VAPB: variants seen among roughly 807,000 people sequenced by gnomAD.
VAPB encodes VAMP associated protein B and C.
Under a neutral mutation model 25.6 loss-of-function variants are expected in VAPB, and 7 were observed. That is an observed-to-expected ratio of 0.27 (90% CI 0.16 to 0.51). The LOEUF (loss-of-function observed/expected upper bound fraction) is 0.51. VAPB is among the 20% of genes least tolerant of loss of function. The pLI, the probability that VAPB is intolerant of heterozygous loss-of-function variation, is 0.97. For synonymous variants in VAPB, 112 were observed against 109.2 expected (o/e 1.03, Z -0.16); for missense variants, 266 against 301.3 (o/e 0.88, Z 0.87).
rs542488313 is a variant in VAPB at position 58,421,768 on chromosome 20, C to T, written c.211+3405C>T. 1.1e-4 allele frequency among the ~76,000 whole-genome samples: 16 copies of T among 152,164 alleles called. No individual in the cohort carries two copies. The South Asian group carries it at 3.3e-3, about 32-fold the overall frequency. ...GAGGGTTGATGGTAATGATGTCTGC[C>T]CATGGAGCTGGCACCTGTGCTGGCC... On this transcript the variant is annotated intron_variant, in intron 2 of 5. Coordinates refer to ENST00000475243, the MANE Select transcript of VAPB (RefSeq NM_004738.5).
In VAPB at chr20:58,447,603, G is replaced by GAGAGCTC. The variant is rs1400014921; in HGVS notation, c.*3375_*3381dup. ...TGAGTCAGATAGAACTGAATGTAGTGAGAGCTCAGAGCTACAGAGCCTTTC... is the reference window on the plus strand; with the variant it reads ...TGAGTCAGATAGAACTGAATGTAGTGAGAGCTCAGAGCTCAGAGCTACAGAGCCTTTC... On this transcript the variant is annotated 3_prime_UTR_variant, in exon 6 of 6. Transcript: ENST00000475243. 1 of 454,012 alleles carries GAGAGCTC rather than the reference G, an allele frequency of 2.2e-6. No individual in the cohort carries two copies. The highest frequency in any genetic ancestry group is 4.4e-6 in the Non-Finnish European group (1 of 226,804). The allele number at this position is 454,012 out of a possible 1,614,324, so 28.1% of individuals were successfully genotyped here.
chr20:58,424,123 A>C lies in VAPB; in HGVS notation c.211+5760A>C, dbSNP rs536672693. Among the ~76,000 whole-genome samples the C allele has an allele frequency of 6.6e-5, 10 of 152,324 alleles. No individual in the cohort carries two copies. In the South Asian group the frequency reaches 1.9e-3, roughly 28 times the overall value. On this transcript the variant is annotated intron_variant, in intron 2 of 5. Transcript: ENST00000475243. Reference sequence around the variant, plus strand: ...GAAGGTAACTTCAACTCTGTACAGCATAACTGAGAAGCAAAAAATAAGCAA... The same window carrying C: ...GAAGGTAACTTCAACTCTGTACAGCCTAACTGAGAAGCAAAAAATAAGCAA...
intron 3 of VAPB, among the ~76,000 whole-genome samples, chr20:58,435,325 C>T (rs984633774): frequency 1.3e-5 from 2 of 151,376 alleles, no homozygotes; most frequent in Non-Finnish European, 2.9e-5. Flanking sequence ...CCCTCCAAAA[C>T]GAGCTTTTTA....
chr20:58,412,541 C>T lies in VAPB; in HGVS notation c.59-5670C>T, dbSNP rs538833912. On this transcript the variant is annotated intron_variant, in intron 1 of 5. Coordinates refer to ENST00000475243, the MANE Select transcript of VAPB (RefSeq NM_004738.5). ...GCAGTGAGCCAAGATCGTGCCACTGCACTCCAGCCTGGGTGACAGAGTGAG... is the reference window on the plus strand; with the variant it reads ...GCAGTGAGCCAAGATCGTGCCACTGTACTCCAGCCTGGGTGACAGAGTGAG... 1.7e-3 allele frequency among the ~76,000 whole-genome samples: 221 copies of T among 132,764 alleles called. 1 individual carries two copies. The highest frequency in any genetic ancestry group is 1.2e-3 in the Non-Finnish European group (75 of 65,158). 87.1% of individuals were successfully genotyped at this position (132,764 alleles called of 152,430 possible). A position where few individuals can be genotyped will look rare whatever the true frequency, so the allele number is the denominator to read the frequency against.
rs917896382 is a variant in VAPB, at chr20:58,399,300, C to CA, written c.58+9795dup. Among the ~76,000 whole-genome samples, 753 of 120,776 alleles carry CA rather than the reference C, an allele frequency of 6.2e-3. 4 individuals carry two copies. Among genetic ancestry groups the CA allele is most frequent in the Middle Eastern group, 0.015 (3 of 206 alleles). 79.2% of individuals were successfully genotyped at this position (120,776 alleles called of 152,430 possible). A position where few individuals can be genotyped will look rare whatever the true frequency, so the allele number is the denominator to read the frequency against. On this transcript the variant is annotated intron_variant, in intron 1 of 5. Transcript: ENST00000475243. Reference sequence around the variant, plus strand: ...GGGCAACAAGAGCAAAACTCCGTCTCAAAAAAAAAAAAGAGAGAAAAAGAA... The same window carrying CA: ...GGGCAACAAGAGCAAAACTCCGTCTCAAAAAAAAAAAAAGAGAGAAAAAGAA...
Position 58,447,424 on chromosome 20 carries a change from G to A in VAPB, c.*3189G>A, listed in dbSNP as rs142258302. On this transcript the variant is annotated 3_prime_UTR_variant, in exon 6 of 6. Coordinates refer to ENST00000475243, the MANE Select transcript of VAPB (RefSeq NM_004738.5). Reference sequence around the variant, plus strand: ...CAAAATTGATTTTTACCAGTGGCCAGTTTATGGCTAGAGAGACGACTTATA... The same window carrying A: ...CAAAATTGATTTTTACCAGTGGCCAATTTATGGCTAGAGAGACGACTTATA... 1 of 454,096 alleles carries A rather than the reference G, an allele frequency of 2.2e-6. No homozygotes were observed. The highest frequency in any genetic ancestry group is 4.4e-6 in the Non-Finnish European group (1 of 226,794). 28.1% of individuals were successfully genotyped at this position (454,096 alleles called of 1,614,324 possible).
rs1262288920 is a variant in VAPB, at chr20:58,445,344, A to G, written c.*1109A>G. ...GGGACCTAGCCTGGAGTCAGGACAA[A>G]TGGATCGGGCTGCAGAGGGTTAGAA... On this transcript the variant is annotated 3_prime_UTR_variant, in exon 6 of 6. Coordinates refer to ENST00000475243, the MANE Select transcript of VAPB (RefSeq NM_004738.5). 4.4e-6 allele frequency: 2 copies of G among 454,418 alleles called. No homozygotes were observed. Among genetic ancestry groups the G allele is most frequent in the Non-Finnish European group, 8.8e-6 (2 of 226,778 alleles). 28.1% of individuals were successfully genotyped at this position (454,418 alleles called of 1,614,324 possible).
chr20:58,416,305 A>G (rs1393349539), intron 1 of VAPB, among the ~76,000 whole-genome samples: 1 of 152,132 alleles, frequency 6.6e-6, no homozygotes, highest in African/African-American at 2.4e-5. Flanking sequence ...TTTCAAAAAC[A>G]GTTAAGTGTT....
rs902855940 is a variant in VAPB at position 58,389,801 on chromosome 20, C to G, written c.58+284C>G. On this transcript the variant is annotated intron_variant, in intron 1 of 5. Transcript: ENST00000475243. ...GAGGCACTTGTCACTTTGTAACTTACCAGTTTGTGATCCTCTCTAGTGTGA... is the reference window on the plus strand; with the variant it reads ...GAGGCACTTGTCACTTTGTAACTTAGCAGTTTGTGATCCTCTCTAGTGTGA... 4.6e-5 allele frequency among the ~76,000 whole-genome samples: 7 copies of G among 152,206 alleles called. No homozygotes were observed. In the East Asian group the frequency reaches 1.2e-3, roughly 25 times the overall value.
At chr20:58,391,955 A>G (rs886490628) in intron 1 of VAPB, among the ~76,000 whole-genome samples, 1 of 152,230 alleles carries the variant, frequency 6.6e-6, no homozygotes, top group East Asian at 1.9e-4. Context: ...GCCAGTGTCC[A>G]AGTTAAAATT....
chr20:58,438,722 AG>A (rs574885853), intron 3 of VAPB, among the ~76,000 whole-genome samples: 1 of 152,268 alleles, frequency 6.6e-6, no homozygotes, highest in Non-Finnish European at 1.5e-5. Context: ...GGAGTCAGGC[AG>A]CAAGACTTCA....
At chr20:58,420,861 A>T (rs543660355) in intron 2 of VAPB, among the ~76,000 whole-genome samples, 2 of 152,262 alleles carry the variant, frequency 1.3e-5, no homozygotes, top group Non-Finnish European at 2.9e-5. Flanking sequence ...CTGAGGGACC[A>T]CTGCATCATT....
intron 2 of VAPB, among the ~76,000 whole-genome samples, chr20:58,424,725 T>C (rs1276813549): frequency 6.6e-6 from 1 of 152,246 alleles, no homozygotes; most frequent in East Asian, 1.9e-4. Flanking sequence ...TCATCTTCCA[T>C]TGATACTGGA....
chr20:58,440,365 C>A (rs1568719701), intron 4 of VAPB: 1 of 157,588 alleles, frequency 6.3e-6, no homozygotes, highest in African/African-American at 2.4e-5. Flanking sequence ...GGGATCATAG[C>A]TGAATCTTGG....
chr20:58,427,035 C>CTGTGAT (rs1988804185), intron 2 of VAPB, among the ~76,000 whole-genome samples: 1 of 95,214 alleles, frequency 1.1e-5, no homozygotes, highest in Non-Finnish European at 2.2e-5. Context: ...GCGAAAGTGA[C>CTGTGAT]CTGTGATCTG....
chr20:58,392,999 T>C (rs778877026), intron 1 of VAPB, among the ~76,000 whole-genome samples: 5 of 152,170 alleles, frequency 3.3e-5, no homozygotes, highest in Non-Finnish European at 7.3e-5. Flanking sequence ...AAGTGAACAT[T>C]AAGCTCTTTC....
chr20:58,446,035 A>G lies in VAPB; in HGVS notation c.*1800A>G, dbSNP rs564187580. On this transcript the variant is annotated 3_prime_UTR_variant, in exon 6 of 6. Transcript: ENST00000475243. ...CTTGAAACTGGAGAAGTGGAAGTCT[A>G]TGGTTGGTCTGAGTAAGTAACTTCC... 1.8e-4 allele frequency: 80 copies of G among 454,074 alleles called. No homozygotes were observed. The highest frequency in any genetic ancestry group is 2.4e-4 in the Non-Finnish European group (55 of 226,796). The allele number at this position is 454,074 out of a possible 1,614,324, so 28.1% of individuals were successfully genotyped here.
intron 2 of VAPB, among the ~76,000 whole-genome samples, chr20:58,421,975 G>A (rs1279461595): frequency 6.6e-6 from 1 of 152,088 alleles, no homozygotes; most frequent in African/African-American, 2.4e-5. Flanking sequence ...TCAGAACACG[G>A]CAGATCACTT....
At chr20:58,401,522 T>C (rs1041007670) in intron 1 of VAPB, among the ~76,000 whole-genome samples, 6 of 152,204 alleles carry the variant, frequency 3.9e-5, no homozygotes, top group African/African-American at 1.2e-4. Context: ...ATCCTGCTCA[T>C]TGACACTCTT....
Sources: allele counts gnomAD v4.1 joint callset (sites outside exome capture counted in the v4.1 genomes callset), GRCh38; gene constraint gnomAD v4.1.1; transcripts MANE v1.5; gene names NCBI Gene and HGNC (gene_info 2026-07-23, HGNC 2026-07-21).